The following CHFR variants were observed in gnomAD, a reference collection of about 807,000 sequenced individuals.
CHFR encodes the protein E3 ubiquitin-protein ligase CHFR.
In CHFR, 57 loss-of-function variants were observed where a neutral mutation model predicts 87.6. That is an observed-to-expected ratio of 0.65 (90% CI 0.53 to 0.81). CHFR has a LOEUF of 0.81. Among genes scored for constraint, CHFR ranks in the 30% least tolerant of loss-of-function variants. The pLI is 0.00. For missense variants in CHFR, 797 were observed against 865.8 expected (o/e 0.92, Z 1.00); for synonymous variants, 381 against 359.2 (o/e 1.06, Z -0.69).
rs768052255 is a variant in CHFR, at chr12:132,861,492, C to T, written c.726G>A (p.Glu242=). The T allele has an allele frequency of 2.5e-5, 41 of 1,614,210 alleles. No homozygotes were observed. The highest frequency in any genetic ancestry group is 3.3e-5 in the Non-Finnish European group (39 of 1,180,034). The change falls in exon 7 of 18, where the codon GAG becomes GAA. Residue 242 remains glutamate (E), a synonymous_variant. Coordinates refer to ENST00000450056, the MANE Select transcript of CHFR (RefSeq NM_001161346.2). ...SLEPQDQEDL[E]PVKKKMRGDG... is the part of the protein sequence containing the mutation. ...CTCCTCTCATTTTCTTCTTCACGGG[C>T]TCCAAATCCTCCTGATCCTGGGGTT...
At chr12:132,884,442 A>AAAAT (rs959336808) in intron 2 of CHFR, among the ~76,000 whole-genome samples, 1 of 151,334 alleles carries the variant, frequency 6.6e-6, no homozygotes, top group African/African-American at 2.4e-5. Flanking sequence ...ATATATATAT[A>AAAAT]AAATAAATAA....
Position 132,877,549 on chromosome 12 carries a change from A to T in CHFR, c.233+6T>A. On this transcript the variant is annotated splice_donor_region_variant and intron_variant, in intron 3 of 17. Transcript: ENST00000450056. ...AAACACCAAAAGAAGCTCAGAACAT[A>T]CTCACCTGGTATCTTCCAGTGTCAC... 1 of 1,588,604 alleles carries T rather than the reference A, an allele frequency of 6.3e-7. No individual in the cohort carries two copies. Among genetic ancestry groups the T allele is most frequent in the Non-Finnish European group, 8.6e-7 (1 of 1,159,742 alleles).
Position 132,843,186 on chromosome 12 carries a change from C to T in CHFR, c.1844-103G>A, listed in dbSNP as rs970050148. ...CCAACGACAGACGCTGCGGTGGAAA[C>T]GCACGGCCTCTGGTCCCTCCATAAC... On this transcript the variant is annotated intron_variant, in intron 16 of 17. Coordinates refer to ENST00000450056, the MANE Select transcript of CHFR (RefSeq NM_001161346.2). 77 of 985,622 alleles carry T rather than the reference C, an allele frequency of 7.8e-5. 1 individual carries two copies. The Middle Eastern group carries it at 1.1e-3, about 14-fold the overall frequency. The allele number at this position is 985,622 out of a possible 1,614,324, so 61.1% of individuals were successfully genotyped here. A position where few individuals can be genotyped will look rare whatever the true frequency, so the allele number is the denominator to read the frequency against.
chr12:132,861,405 C>T, intron 7 of CHFR, 62 bp downstream of exon 7: 5 of 1,527,974 alleles, frequency 3.3e-6, no homozygotes, highest in Non-Finnish European at 4.5e-6. Flanking sequence ...AGCATGGCAG[C>T]GGCCCCCGCA....
intron 2 of CHFR, among the ~76,000 whole-genome samples, chr12:132,880,857 C>T (rs574206362): frequency 1.3e-5 from 2 of 151,870 alleles, no homozygotes; most frequent in South Asian, 4.2e-4. Context: ...CCCAGCTACA[C>T]GGGAGGCTAA....
intron 3 of CHFR, 114 bp from the exon 4 acceptor site, chr12:132,872,508 AG>A (rs778406726): frequency 7.3e-6 from 5 of 684,502 alleles, no homozygotes; most frequent in Middle Eastern, 3.1e-4. Context: ...AAATACTCAT[AG>A]GAACAGTGTA....
chr12:132,869,376 T>C (rs929052447), intron 6 of CHFR, among the ~76,000 whole-genome samples: 2 of 152,102 alleles, frequency 1.3e-5, no homozygotes, highest in African/African-American at 2.4e-5. Flanking sequence ...ATGACTTTTA[T>C]GGTATGCGAA....
At chr12:132,862,723 G>A (rs1951243886) in intron 6 of CHFR, among the ~76,000 whole-genome samples, 1 of 151,842 alleles carries the variant, frequency 6.6e-6, no homozygotes, top group African/African-American at 2.4e-5. Context: ...GGGACTACAG[G>A]CACCCGCCAC....
At position 132,864,199 on chromosome 12, in the gene CHFR, G is replaced by T. The variant is rs374696622; in HGVS notation, c.584-2565C>A. ...TTGAAAAAAAAAAACACAAGAAACT[G>T]GCTTACAGCAGCTGAAAGAAAACAG... On this transcript the variant is annotated intron_variant, in intron 6 of 17. Coordinates refer to ENST00000450056, the MANE Select transcript of CHFR (RefSeq NM_001161346.2). Among the ~76,000 whole-genome samples, 3 of 150,078 alleles carry T rather than the reference G, an allele frequency of 2.0e-5. No homozygotes were observed. The South Asian group carries it at 6.3e-4, about 32-fold the overall frequency.
chr12:132,841,745 C>T, intron 17 of CHFR, 149 bp from the exon 18 acceptor site: 7 of 713,388 alleles, frequency 9.8e-6, no homozygotes, highest in Non-Finnish European at 1.2e-5. Context: ...GTGTGTGCTT[C>T]TCACAATATC....
intron 10 of CHFR, among the ~76,000 whole-genome samples, chr12:132,855,866 G>A (rs1427514963): frequency 2.0e-5 from 3 of 151,302 alleles, no homozygotes; most frequent in East Asian, 1.9e-4. Flanking sequence ...TTTTTTTGTC[G>A]TTCATTGTCT....
intron 10 of CHFR, chr12:132,854,412 G>A (rs1046804197): frequency 6.6e-5 from 10 of 152,208 alleles, no homozygotes; most frequent in African/African-American, 1.9e-4. Context: ...AAACATTGAC[G>A]TCACTGCGCA....
At chr12:132,853,643 G>T in intron 10 of CHFR, 70 bp from the exon 11 acceptor site, 1 of 1,453,692 alleles carries the variant, frequency 6.9e-7, no homozygotes, top group Non-Finnish European at 9.0e-7. Context: ...TGCAACGCGG[G>T]TCCGCAGCCA....
At chr12:132,847,847 T>C in intron 14 of CHFR, 1 of 1,360,052 alleles carries the variant, frequency 7.4e-7, no homozygotes. Flanking sequence ...CTCCTACGAA[T>C]TGGTGGCAGG....
Position 132,869,738 on chromosome 12 carries a change from G to C in CHFR, c.464C>G (p.Ala155Gly). The change falls in exon 6 of 18, where the codon GCC becomes GGC. Residue 155 changes from alanine to glycine, a missense_variant. Coordinates refer to ENST00000450056, the MANE Select transcript of CHFR (RefSeq NM_001161346.2). The stretch of plus-strand genomic sequence containing the variant: ...TGGTTCCTCAAAGCACACCTGAGTG[G>C]CGGGCGACGACGGAGGGACCCGGGG... ...ADPRVPPSSPATQVCFEEPQP... is the reference protein window; with the variant it reads ...ADPRVPPSSPGTQVCFEEPQP... The C allele has an allele frequency of 6.4e-7, 1 of 1,551,560 alleles. No individual in the cohort carries two copies. The highest frequency in any genetic ancestry group is 8.7e-7 in the Non-Finnish European group (1 of 1,146,980).
intron 1 of CHFR, 70 bp downstream of exon 1, chr12:132,887,477 G>GC: frequency 1.9e-6 from 1 of 519,954 alleles, no homozygotes; most frequent in Non-Finnish European, 2.5e-6. Context: ...GCCGGCGGGC[G>GC]CCCCCTCCCA....
intron 12 of CHFR, among the ~76,000 whole-genome samples, chr12:132,850,894 G>A (rs1037786092): frequency 6.6e-6 from 1 of 150,978 alleles, no homozygotes; most frequent in Non-Finnish European, 1.5e-5. Context: ...AGACATTTCT[G>A]CAGGAATACA....
chr12:132,872,835 T>C (rs1593512176), intron 3 of CHFR, among the ~76,000 whole-genome samples: 2 of 152,212 alleles, frequency 1.3e-5, no homozygotes, highest in East Asian at 1.9e-4. Flanking sequence ...AGACTGGCTC[T>C]GGGCAGAAGC....
intron 6 of CHFR, chr12:132,862,266 ACTCC>A (rs1203911135): frequency 1.2e-5 from 3 of 251,558 alleles, no homozygotes; most frequent in Admixed American, 5.2e-5. Flanking sequence ...CAAGAGCGAA[ACTCC>A]CTCTGGGGAA....
Sources: gnomAD v4.1 joint callset for allele counts (sites outside exome capture counted in the v4.1 genomes callset) on GRCh38, gnomAD v4.1.1 for gene constraint, MANE v1.5 for transcripts, NCBI Gene and HGNC (gene_info 2026-07-23, HGNC 2026-07-21) for gene names.